DCTN1: variants seen among roughly 807,000 people sequenced by gnomAD.
DCTN1 encodes 150 kDa dynein-associated polypeptide.
A neutral mutation model predicts 161.2 loss-of-function variants in DCTN1; 61 were observed. The ratio of observed to expected loss-of-function variants is 0.38; its 90% CI spans 0.31 to 0.47. The LOEUF is 0.47. DCTN1 is among the 20% of genes least tolerant of loss of function. DCTN1 has a pLI of 0.99. For missense variants in DCTN1, 1,404 were observed against 1,623.7 expected, an observed-to-expected ratio of 0.86 and a Z score of 2.33; for synonymous variants, 653 against 632.4, an observed-to-expected ratio of 1.03 and a Z score of -0.49.
In DCTN1 at chr2:74,391,621, T is replaced by C. The variant is rs187825088; in HGVS notation, c.-19+173A>G. On this transcript the variant is annotated intron_variant, in intron 1 of 27. Coordinates refer to the DCTN1 transcript ENST00000409240. ...TGCTAGGCTGAAGAGCTGAGGTGGG[T>C]CAGACCGGCCTCGGGGCAAACGCTC... 1.4e-3 allele frequency: 502 copies of C among 359,124 alleles called. 5 individuals are homozygous for C. Among genetic ancestry groups the C allele is most frequent in the African/African-American group, 0.01 (476 of 46,092 alleles). 22.2% of individuals were successfully genotyped at this position (359,124 alleles called of 1,614,324 possible). A position where few individuals can be genotyped will look rare whatever the true frequency, so the allele number is the denominator to read the frequency against.
chr2:74,368,066 A>C lies in DCTN1; in HGVS notation c.1920T>G (p.Pro640=). Reference sequence around the variant, plus strand: ...GCTCCCCAGCAGCTCCTCGCAGCCCAGGCCGCTCTGAACAGTTCTCACTTA... The same window carrying C: ...GCTCCCCAGCAGCTCCTCGCAGCCCCGGCCGCTCTGAACAGTTCTCACTTA... The part of the protein sequence containing the change: ...FELSENCSER[P]GLRGAAGEQL... Residue 640 remains proline (P), a synonymous_variant, in exon 17 of 32, where the codon CCT becomes CCG. Transcript: ENST00000628224. 6.2e-7 allele frequency: 1 copy of C among 1,612,240 alleles called. No homozygotes were observed. The highest frequency in any genetic ancestry group is 8.5e-7 in the Non-Finnish European group (1 of 1,179,066).
chr2:74,369,856 G>C lies in DCTN1; in HGVS notation c.1392+109C>G. 2.6e-5 allele frequency: 25 copies of C among 959,984 alleles called. No homozygotes were observed. Among genetic ancestry groups the C allele is most frequent in the Non-Finnish European group, 3.5e-5 (21 of 600,708 alleles). 59.5% of individuals were successfully genotyped at this position (959,984 alleles called of 1,614,324 possible). A position where few individuals can be genotyped will look rare whatever the true frequency, so the allele number is the denominator to read the frequency against. The stretch of plus-strand genomic sequence containing the variant: ...AAAAAAGGCAGGGTCAGGGTAGCAA[G>C]CCCAGGCTGGGTCCCTCACCGCACA... On this transcript the variant is annotated intron_variant, in intron 13 of 31. Coordinates refer to ENST00000628224, the MANE Select transcript of DCTN1 (RefSeq NM_004082.5). The surrounding 1 kb of genome is among the most constrained non-coding windows in gnomAD (Gnocchi z 4.9).
At chr2:74,372,460 G>A (rs1674935349) in intron 7 of DCTN1, among the ~76,000 whole-genome samples, 1 of 152,214 alleles carries the variant, frequency 6.6e-6, no homozygotes, top group Non-Finnish European at 1.5e-5. Context: ...GGAGCAGACA[G>A]GCCTGCCAAT....
At chr2:74,376,135 T>G (rs116134259) in intron 5 of DCTN1, among the ~76,000 whole-genome samples, 1,576 of 152,084 alleles carry the variant, frequency 0.01, 29 homozygotes, top group African/African-American at 0.037. Context: ...TGATGGTTGA[T>G]GAAAGGCTGC....
Position 74,367,067 on chromosome 2 carries a change from C to T in DCTN1, c.2294G>A (p.Gly765Glu), listed in dbSNP as rs1410846987. Reference sequence around the variant, plus strand: ...CACCTGCAAGAAGGCACGCAGCCGTCCTACCTCCACACTCATGCAGTCCAG... The same window carrying T: ...CACCTGCAAGAAGGCACGCAGCCGTTCTACCTCCACACTCATGCAGTCCAG... ...SALDCMSVEVGRLRAFLQGGQ... is the reference protein window; with the variant it reads ...SALDCMSVEVERLRAFLQGGQ... Residue 765 changes from glycine (G) to glutamate (E), a missense_variant, in exon 20 of 32, where the codon GGA becomes GAA. Around this residue, in one of 9 missense-constraint regions of DCTN1, gnomAD observed 475 missense variants for 489.8 expected, o/e 0.97. Transcript: ENST00000628224. The T allele has an allele frequency of 1.2e-6, 2 of 1,614,232 alleles. No individual in the cohort carries two copies. Among genetic ancestry groups the T allele is most frequent in the East Asian group, 2.2e-5 (1 of 44,886 alleles).
Position 74,366,269 on chromosome 2 carries a change from T to G in DCTN1, c.2735A>C (p.Tyr912Ser). ...KLATAMQEGE[Y>S]DAERPPSKPP... The stretch of plus-strand genomic sequence containing the variant: ...CTTGCTGGGGGGCCGCTCTGCATCA[T>G]ACTCCCCCTCCTGCATGGCTGTGGC... The change falls in exon 23 of 32, where the codon TAT becomes TCT. Residue 912 changes from tyrosine (Y) to serine (S), a missense_variant. Physicochemically the swap from Tyr to Ser is moderately radical, Grantham distance 144. This residue lies in a region of DCTN1 where 475 missense variants were observed against 489.8 expected (regional missense o/e 0.97). Transcript: ENST00000628224. 6.2e-7 allele frequency: 1 copy of G among 1,614,196 alleles called. No homozygotes were observed. The highest frequency in any genetic ancestry group is 8.5e-7 in the Non-Finnish European group (1 of 1,180,022).
intron 6 of DCTN1, 191 bp from the exon 7 acceptor site, chr2:74,373,139 A>G: frequency 3.0e-6 from 2 of 662,112 alleles, no homozygotes; most frequent in Non-Finnish European, 5.5e-6. Flanking sequence ...TCAGGAACCC[A>G]GAATTCCTGT....
chr2:74,370,454 T>G lies in DCTN1; in HGVS notation c.1127+12A>C. The stretch of plus-strand genomic sequence containing the variant: ...AAGAGTAAGCATCAGAGGCAAGCAC[T>G]GAAGACCCTACCTCACCAGGGCATC... On this transcript the variant is annotated intron_variant, in intron 11 of 31. Coordinates refer to ENST00000628224, the MANE Select transcript of DCTN1 (RefSeq NM_004082.5). The surrounding 1 kb of genome is among the most constrained non-coding windows in gnomAD (Gnocchi z 4.4). The G allele has an allele frequency of 1.2e-6, 2 of 1,614,220 alleles. No individual in the cohort carries two copies. Among genetic ancestry groups the G allele is most frequent in the Middle Eastern group, 3.3e-4 (2 of 6,062 alleles).
At position 74,370,218 on chromosome 2, in the gene DCTN1, C is replaced by T. The variant is rs922032527; in HGVS notation, c.1255G>A (p.Ala419Thr). Residue 419 changes from alanine to threonine, a missense_variant, in exon 12 of 32, where the codon GCA (alanine) becomes ACA (threonine). Coordinates refer to ENST00000628224, the MANE Select transcript of DCTN1 (RefSeq NM_004082.5). This position sits in a 1 kb window ranked among gnomAD's most constrained non-coding sequence, Gnocchi z 4.4. ...TTGAGCTCATCAATGGTGCTCTCTG[C>T]CTGGCTTAGCTCCTCCTGCAGACGC... ...RERLQEELSQ[A>T]ESTIDELKEQ... is the part of the protein sequence containing the mutation. 6.8e-6 allele frequency: 11 copies of T among 1,613,816 alleles called. No homozygotes were observed. Among genetic ancestry groups the T allele is most frequent in the Non-Finnish European group, 8.5e-6 (10 of 1,180,042 alleles).
Position 74,366,822 on chromosome 2 carries a change from A to G in DCTN1, c.2427T>C (p.Asp809=). 2 of 1,614,250 alleles carry G rather than the reference A, an allele frequency of 1.2e-6. No homozygotes were observed. The highest frequency in any genetic ancestry group is 1.7e-6 in the Non-Finnish European group (2 of 1,180,046). ...KKIRRRMPGT[D]APGIPAALAF... is the part of the protein sequence containing the mutation. ...CCAGTGCAGCTGGGATCCCAGGAGC[A>G]TCTGTCCCTGGCATTCGCCTTCGGA... is the stretch of plus-strand genomic sequence containing the variant. Residue 809 remains aspartate, a synonymous_variant, in exon 21 of 32, where the codon GAT becomes GAC. Transcript: ENST00000628224.
chr2:74,363,993 C>T (rs1440003066), intron 26 of DCTN1: 1 of 372,416 alleles, frequency 2.7e-6, no homozygotes, highest in Non-Finnish European at 5.1e-6. Context: ...AATATGTCTG[C>T]ACCCTTAGTG....
intron 26 of DCTN1, 74 bp from the exon 27 acceptor site, chr2:74,363,702 C>T (rs1317989575): frequency 6.3e-7 from 1 of 1,590,196 alleles, no homozygotes; most frequent in Admixed American, 1.7e-5. Flanking sequence ...GTTACGGGGA[C>T]ACACCAGAGG....
At position 74,363,398 on chromosome 2, in the gene DCTN1, C is replaced by T. The variant is rs764028925; in HGVS notation, c.3241G>A (p.Val1081Met). The change falls in exon 28 of 32, where the codon GTG becomes ATG. Residue 1081 changes from valine to methionine, a missense_variant. This residue lies in a region of DCTN1 where 311 missense variants were observed against 298.9 expected (regional missense o/e 1.04). Transcript: ENST00000628224. Reference protein sequence around the residue: ...GAIPGQAPGSVPGPGLVKDSP... With the variant: ...GAIPGQAPGSMPGPGLVKDSP... ...TCCTTCACCAGCCCTGGGCCTGGCA[C>T]AGACCCTGGAGCCTGCCCAGGGATG... 3.5e-5 allele frequency: 56 copies of T among 1,612,500 alleles called. No individual in the cohort carries two copies. Among genetic ancestry groups the T allele is most frequent in the Non-Finnish European group, 4.2e-5 (49 of 1,179,658 alleles).
At chr2:74,362,263 C>T in intron 30 of DCTN1, 122 bp from the exon 31 acceptor site, 1 of 836,278 alleles carries the variant, frequency 1.2e-6, no homozygotes, top group Non-Finnish European at 2.0e-6. Flanking sequence ...TCTATATCAA[C>T]ATACTTTTGC....
intron 30 of DCTN1, 141 bp from the exon 31 acceptor site, chr2:74,362,282 C>T: frequency 1.4e-6 from 1 of 722,320 alleles, no homozygotes; most frequent in Admixed American, 2.1e-5. Flanking sequence ...GCTCTCATCT[C>T]CAACCCCATC....
intron 1 of DCTN1, among the ~76,000 whole-genome samples, chr2:74,378,734 T>C (rs1279239481): frequency 2.0e-5 from 3 of 152,186 alleles, no homozygotes; most frequent in Non-Finnish European, 2.9e-5. Flanking sequence ...GTGTTTCAAA[T>C]GGTTTTCTTA....
At position 74,378,041 on chromosome 2, in the gene DCTN1, T is replaced by G; in HGVS notation, c.238A>C (p.Thr80Pro). Reference protein sequence around the residue: ...DGTVQGRKYFTCDEGHGIFVR... With the variant: ...DGTVQGRKYFPCDEGHGIFVR... ...AAGATGCCATGCCCTTCATCACAAG[T>G]GAAGTACTTCCTGCCTTGAACAGTT... is the stretch of plus-strand genomic sequence containing the variant. The change falls in exon 2 of 32, where the codon ACT (threonine) becomes CCT (proline). Residue 80 changes from threonine (T) to proline (P), a missense_variant. Physicochemically the swap from Thr to Pro is conservative, Grantham distance 38 (BLOSUM62 -1). Around this residue, in one of 9 missense-constraint regions of DCTN1, gnomAD observed 174 missense variants for 175.6 expected, o/e 0.99. Transcript: ENST00000628224. 1.2e-6 allele frequency: 2 copies of G among 1,614,270 alleles called. No individual in the cohort carries two copies. Among genetic ancestry groups the G allele is most frequent in the Non-Finnish European group, 1.7e-6 (2 of 1,180,046 alleles).
chr2:74,365,304 T>C, intron 25 of DCTN1, 63 bp from the exon 26 acceptor site: 1 of 1,598,228 alleles, frequency 6.3e-7, no homozygotes, highest in Admixed American at 1.7e-5. Flanking sequence ...GACTATTCAG[T>C]CCTGAGAGGT....
chr2:74,364,175 C>T (rs1674231025), intron 26 of DCTN1: 1 of 169,476 alleles, frequency 5.9e-6, no homozygotes, highest in African/African-American at 2.4e-5. Flanking sequence ...AAAAACAACA[C>T]AAAGTAGTAA....
Sources: allele counts gnomAD v4.1 joint callset (sites outside exome capture counted in the v4.1 genomes callset), GRCh38; gene constraint gnomAD v4.1.1; regional missense constraint gnomAD v4.1.1; non-coding constraint Gnocchi (gnomAD v3.1); transcripts MANE v1.5; gene names NCBI Gene and HGNC (gene_info 2026-07-23, HGNC 2026-07-21).